SNX31: variants seen among roughly 807,000 people sequenced by gnomAD.
SNX31 encodes sorting nexin 31.
Under a neutral mutation model 65.4 loss-of-function variants are expected in SNX31, and 58 were observed. The observed-to-expected ratio is 0.89, with a 90% CI of 0.72 to 1.10. SNX31 has a LOEUF of 1.10. Ranked by LOEUF, SNX31 falls within the 50% of genes least tolerant of loss-of-function variation. The pLI, the probability that SNX31 is intolerant of heterozygous loss-of-function variation, is 0.00. For synonymous variants in SNX31, 181 were observed against 190.1 expected (o/e 0.95, Z 0.39); for missense variants, 523 against 529.7 (o/e 0.99, Z 0.12).
chr8:100,611,094 A>T (rs901854164), intron 7 of SNX31, among the ~76,000 whole-genome samples: 1 of 152,128 alleles, frequency 6.6e-6, no homozygotes. Context: ...CTGCAGAGGG[A>T]TACTTGTGTC....
At chr8:100,642,095 A>G (rs1819300324) in intron 2 of SNX31, among the ~76,000 whole-genome samples, 1 of 151,954 alleles carries the variant, frequency 6.6e-6, no homozygotes. Flanking sequence ...ACAAACAAAC[A>G]AAATATTATA....
At chr8:100,590,515 A>T (rs1814474957) in intron 10 of SNX31, among the ~76,000 whole-genome samples, 1 of 152,230 alleles carries the variant, frequency 6.6e-6, no homozygotes, top group African/African-American at 2.4e-5. Context: ...GCAGTGGTTC[A>T]TGCCTGTAAT....
chr8:100,585,357 T>G (rs1813948272), intron 11 of SNX31, among the ~76,000 whole-genome samples: 1 of 152,092 alleles, frequency 6.6e-6, no homozygotes, highest in South Asian at 2.1e-4. Flanking sequence ...CGCAGGGCTG[T>G]GTTCAGGGGT....
Position 100,648,634 on chromosome 8 carries a change from C to T in SNX31, c.141+640G>A, listed in dbSNP as rs79568713. Among the ~76,000 whole-genome samples, 1 of 152,054 alleles carries T rather than the reference C, an allele frequency of 6.6e-6. No individual in the cohort carries two copies. Among genetic ancestry groups the T allele is most frequent in the African/African-American group, 2.4e-5 (1 of 41,402 alleles). On this transcript the variant is annotated intron_variant, in intron 2 of 13. Transcript: ENST00000311812. The surrounding 1 kb of genome is among the most constrained non-coding windows in gnomAD (Gnocchi z 4.3). The stretch of plus-strand genomic sequence containing the variant: ...GACTTATAACACCTCCTTATAAGAA[C>T]AATGAAACCCATTAGAGCAGACTAA...
intron 10 of SNX31, among the ~76,000 whole-genome samples, chr8:100,593,690 C>T (rs559670774): frequency 6.6e-6 from 1 of 151,972 alleles, no homozygotes; most frequent in South Asian, 2.1e-4. Flanking sequence ...CTGACTTCAA[C>T]CAATCTGCCC....
At chr8:100,590,570 G>A (rs917992851) in intron 10 of SNX31, among the ~76,000 whole-genome samples, 3 of 152,196 alleles carry the variant, frequency 2.0e-5, no homozygotes, top group Non-Finnish European at 4.4e-5. Context: ...CTTGAGGTCA[G>A]GAGTTTGAGA....
rs189730987 is a variant in SNX31, at chr8:100,640,687, C to T, written c.142-4676G>A. On this transcript the variant is annotated intron_variant, in intron 2 of 13. Transcript: ENST00000311812. Reference sequence around the variant, plus strand: ...GCACTTTATCTCTGGGGTCTTCATCCCCCCAACCCATAACCCCCATCTAAT... The same window carrying T: ...GCACTTTATCTCTGGGGTCTTCATCTCCCCAACCCATAACCCCCATCTAAT... Among the ~76,000 whole-genome samples the T allele has an allele frequency of 3.1e-3, 473 of 151,840 alleles. 1 individual carries two copies. Among genetic ancestry groups the T allele is most frequent in the African/African-American group, 0.011 (452 of 41,394 alleles).
chr8:100,649,627 G>C lies in SNX31; in HGVS notation c.-113C>G, dbSNP rs546473447. The C allele has an allele frequency of 6.9e-6, 7 of 1,011,668 alleles. No homozygotes were observed. The highest frequency in any genetic ancestry group is 9.9e-6 in the Non-Finnish European group (7 of 707,972). The allele number at this position is 1,011,668 out of a possible 1,614,324, so 62.7% of individuals were successfully genotyped here. A position where few individuals can be genotyped will look rare whatever the true frequency, so the allele number is the denominator to read the frequency against. On this transcript the variant is annotated 5_prime_UTR_variant, in exon 1 of 14. Transcript: ENST00000311812. ...AGCGCGGCCTGCCACGCGACTCAGAGCGAACCCCGGCGCCCGCTCTCGCCG... is the reference window on the plus strand; with the variant it reads ...AGCGCGGCCTGCCACGCGACTCAGACCGAACCCCGGCGCCCGCTCTCGCCG...
upstream of SNX31, among the ~76,000 whole-genome samples, chr8:100,654,452 T>A (rs1820025737): frequency 6.6e-6 from 1 of 152,212 alleles, no homozygotes; most frequent in Non-Finnish European, 1.5e-5. Flanking sequence ...AAGCCCTTGC[T>A]CCTAATCACT....
chr8:100,597,913 GC>G (rs1320746941), intron 9 of SNX31, among the ~76,000 whole-genome samples: 1 of 152,180 alleles, frequency 6.6e-6, no homozygotes, highest in African/African-American at 2.4e-5. Flanking sequence ...TGTTCTTCCA[GC>G]TTTCGCCATG....
chr8:100,618,103 C>T (rs113406108), intron 4 of SNX31: 24 of 985,338 alleles, frequency 2.4e-5, no homozygotes, highest in Middle Eastern at 5.2e-4. Flanking sequence ...TTGCAGCAAG[C>T]GAACAATCCA....
chr8:100,615,862 C>T (rs549353452), intron 5 of SNX31, among the ~76,000 whole-genome samples: 42 of 152,270 alleles, frequency 2.8e-4, no homozygotes, highest in African/African-American at 9.1e-4. Context: ...CTCCGCCTCC[C>T]GGGTTCACGC....
chr8:100,655,698 A>G (rs1820043275), intron 1 of SNX31, among the ~76,000 whole-genome samples: 1 of 152,146 alleles, frequency 6.6e-6, no homozygotes, highest in African/African-American at 2.4e-5. Flanking sequence ...GTTTGTTGTT[A>G]TGGAGAAGTA....
At chr8:100,574,804 C>G (rs1234155078) in intron 13 of SNX31, among the ~76,000 whole-genome samples, 3 of 151,982 alleles carry the variant, frequency 2.0e-5, no homozygotes, top group African/African-American at 7.2e-5. Flanking sequence ...TGTGGTGGTG[C>G]ACACCTGTAA....
At chr8:100,661,828 C>T (rs1332624553) in intron 1 of SNX31, among the ~76,000 whole-genome samples, 1 of 152,020 alleles carries the variant, frequency 6.6e-6, no homozygotes. Context: ...CTGCATCCAG[C>T]CACTGTTTTT....
intron 8 of SNX31, among the ~76,000 whole-genome samples, chr8:100,602,484 A>G (rs1446752346): frequency 6.6e-6 from 1 of 152,230 alleles, no homozygotes; most frequent in Non-Finnish European, 1.5e-5. Context: ...GGATAATACC[A>G]AACTCTATAT....
At chr8:100,663,306 T>C (rs1809818281) in exon 1 of SNX31, 1 of 152,250 alleles carries the variant, frequency 6.6e-6, no homozygotes, top group Non-Finnish European at 1.5e-5. Flanking sequence ...TGATTCCCAC[T>C]GAGCAGTATC....
In SNX31 at chr8:100,608,538, C is replaced by T. The variant is rs138819788; in HGVS notation, c.637G>A (p.Val213Met). Residue 213 changes from valine (V) to methionine (M), a missense_variant, in exon 8 of 14, where the codon GTG becomes ATG. Physicochemically the swap from Val to Met is conservative, Grantham distance 21. Transcript: ENST00000311812. ...ACCGCCACCCTGCAGTCCATCAGCA[C>T]GGAGTCGAGGGATGGAGCCATATAC... ...KWYMAPSLDS[V>M]LMDCRVAVDL... The T allele has an allele frequency of 5.5e-5, 88 of 1,614,062 alleles. No homozygotes were observed. The African/African-American group carries it at 8.4e-4, about 15-fold the overall frequency.
At chr8:100,608,346 G>C in intron 8 of SNX31, 148 bp downstream of exon 8, 1 of 684,254 alleles carries the variant, frequency 1.5e-6, no homozygotes, top group Non-Finnish European at 2.5e-6. Context: ...ACAGCCCCTG[G>C]TAATCTCTGT....
Sources: allele counts gnomAD v4.1 joint callset (sites outside exome capture counted in the v4.1 genomes callset), GRCh38; gene constraint gnomAD v4.1.1; non-coding constraint Gnocchi (gnomAD v3.1); transcripts MANE v1.5; gene names NCBI Gene and HGNC (gene_info 2026-07-23, HGNC 2026-07-21).